The following SPTB variants were observed in gnomAD, a reference collection of about 807,000 sequenced individuals.
SPTB encodes spectrin beta, erythrocytic.
Under a neutral mutation model 256.2 loss-of-function variants are expected in SPTB, and 45 were observed. That is an observed-to-expected ratio of 0.18 (90% CI 0.14 to 0.23). The LOEUF (loss-of-function observed/expected upper bound fraction) is 0.23, where lower values mean the gene tolerates loss of function less well. Among genes scored for constraint, SPTB ranks in the 10% least tolerant of loss-of-function variants. SPTB has a pLI of 1.00. For synonymous variants in SPTB, 1,231 were observed against 1,243.1 expected (o/e 0.99, Z 0.21); for missense variants, 2,715 against 3,040.4 (o/e 0.89, Z 2.52).
rs1291523614 is a variant in SPTB, at chr14:64,796,050, C to T, written c.1342-411G>A. On this transcript the variant is annotated intron_variant, in intron 11 of 35. Coordinates refer to ENST00000644917, the MANE Select transcript of SPTB (RefSeq NM_001355436.2). This position sits in a 1 kb window ranked among gnomAD's most constrained non-coding sequence, Gnocchi z 4.1. Reference sequence around the variant, plus strand: ...ACATGCTATCTGGGGTGCGCATACACTCTCCAGTGCTCTCAGAATACTTGT... The same window carrying T: ...ACATGCTATCTGGGGTGCGCATACATTCTCCAGTGCTCTCAGAATACTTGT... Among the ~76,000 whole-genome samples, 1 of 152,184 alleles carries T rather than the reference C, an allele frequency of 6.6e-6. No homozygotes were observed. The highest frequency in any genetic ancestry group is 1.5e-5 in the Non-Finnish European group (1 of 68,038).
chr14:64,873,848 T>C lies in SPTB; in HGVS notation c.-52+5944A>G, dbSNP rs940335202. On this transcript the variant is annotated intron_variant, in intron 1 of 35. Coordinates refer to ENST00000644917, the MANE Select transcript of SPTB (RefSeq NM_001355436.2). This position sits in a 1 kb window ranked among gnomAD's most constrained non-coding sequence, Gnocchi z 4.3. ...TATAAATGTACATTTCTAATCCTGT[T>C]TTGTAACTGGAAACCAGGAATAATC... 6.6e-6 allele frequency among the ~76,000 whole-genome samples: 1 copy of C among 152,172 alleles called. No individual in the cohort carries two copies. The highest frequency in any genetic ancestry group is 2.4e-5 in the African/African-American group (1 of 41,440).
chr14:64,751,594 C>T (rs1485595969), intron 33 of SPTB, among the ~76,000 whole-genome samples: 3 of 152,048 alleles, frequency 2.0e-5, no homozygotes, highest in African/African-American at 7.2e-5. Flanking sequence ...CCTTGAAGTA[C>T]ACTTATAGAA....
At chr14:64,857,517 G>A (rs912376854) in intron 1 of SPTB, among the ~76,000 whole-genome samples, 2 of 145,800 alleles carry the variant, frequency 1.4e-5, no homozygotes, top group Admixed American at 7.0e-5. Context: ...AGTTGAGGCT[G>A]CAGTGAGCCA....
chr14:64,751,122 A>C (rs1010764572), intron 33 of SPTB, among the ~76,000 whole-genome samples: 1 of 146,750 alleles, frequency 6.8e-6, no homozygotes, highest in Non-Finnish European at 1.5e-5. Context: ...TATAATATTT[A>C]TATATAATAT....
At chr14:64,797,655 A>G in intron 10 of SPTB, 74 bp downstream of exon 10, 4 of 1,185,342 alleles carry the variant, frequency 3.4e-6, no homozygotes, top group Non-Finnish European at 5.1e-6. Flanking sequence ...ATCTGGTCCA[A>G]TGACCATTCA....
At chr14:64,829,932 G>C (rs2083427350) in intron 1 of SPTB, among the ~76,000 whole-genome samples, 1 of 152,006 alleles carries the variant, frequency 6.6e-6, no homozygotes. Context: ...CAGCTCAGGG[G>C]TCTTGTGCAT....
In SPTB at chr14:64,791,814, C is replaced by A. The variant is rs746868966; in HGVS notation, c.2709G>T (p.Gln903His). 20 of 1,614,216 alleles carry A rather than the reference C, an allele frequency of 1.2e-5. No homozygotes were observed. The highest frequency in any genetic ancestry group is 1.7e-5 in the Non-Finnish European group (20 of 1,180,048). ...LDQEMKTLMT[Q>H]IDGVNLAANS... is the part of the protein sequence containing the mutation. ...TGGCAGCGAGGTTCACACCATCAAT[C>A]TGAGTCATCAAGGTCTTCATCTCCT... is the stretch of plus-strand genomic sequence containing the variant. Residue 903 changes from glutamine to histidine, a missense_variant, in exon 15 of 36, where the codon CAG (glutamine) becomes CAT (histidine). Gln to His is a conservative substitution (Grantham distance 24). Transcript: ENST00000644917.
chr14:64,783,546 T>C (rs1037226667), intron 19 of SPTB, among the ~76,000 whole-genome samples: 1 of 152,208 alleles, frequency 6.6e-6, no homozygotes, highest in African/African-American at 2.4e-5. Context: ...CCAAGTACTA[T>C]GCTAAATGTT....
At chr14:64,858,966 T>C (rs1015512228) in intron 1 of SPTB, among the ~76,000 whole-genome samples, 2 of 152,148 alleles carry the variant, frequency 1.3e-5, no homozygotes, top group African/African-American at 2.4e-5. Flanking sequence ...CATTTTAAAA[T>C]TGGTTAAATA....
At position 64,767,989 on chromosome 14, in the gene SPTB, G is replaced by A. The variant is rs116420207; in HGVS notation, c.6023-130C>T. On this transcript the variant is annotated intron_variant, in intron 29 of 35. Transcript: ENST00000644917. Reference sequence around the variant, plus strand: ...AGGTGTCCCTAAACCACATGGATACGCTTGCTGCCTGCAGCCACCCCATTC... The same window carrying A: ...AGGTGTCCCTAAACCACATGGATACACTTGCTGCCTGCAGCCACCCCATTC... 3,320 of 992,594 alleles carry A rather than the reference G, an allele frequency of 3.3e-3. 86 individuals carry two copies. In the African/African-American group the frequency reaches 0.047, roughly 14 times the overall value. The allele number at this position is 992,594 out of a possible 1,614,324, so 61.5% of individuals were successfully genotyped here.
chr14:64,785,458 G>T lies in SPTB; in HGVS notation c.3855+79C>A. On this transcript the variant is annotated intron_variant, in intron 18 of 35. Coordinates refer to ENST00000644917, the MANE Select transcript of SPTB (RefSeq NM_001355436.2). This position sits in a 1 kb window ranked among gnomAD's most constrained non-coding sequence, Gnocchi z 4.4. ...AGCTCTTGAGCTAGAAAGGATCCCTGTGGACTTCCTGCCTTGAGGGAACTC... is the reference window on the plus strand; with the variant it reads ...AGCTCTTGAGCTAGAAAGGATCCCTTTGGACTTCCTGCCTTGAGGGAACTC... 7.6e-7 allele frequency: 1 copy of T among 1,318,698 alleles called. No homozygotes were observed. Among genetic ancestry groups the T allele is most frequent in the Non-Finnish European group, 1.1e-6 (1 of 935,042 alleles). 81.7% of individuals were successfully genotyped at this position (1,318,698 alleles called of 1,614,324 possible).
intron 1 of SPTB, among the ~76,000 whole-genome samples, chr14:64,854,274 C>CTTTTTTT (rs1206368948): frequency 3.1e-4 from 23 of 73,282 alleles, no homozygotes; most frequent in Non-Finnish European, 4.0e-4. Context: ...TTTCCAAACT[C>CTTTTTTT]TTTTTTTTTT....
intron 1 of SPTB, among the ~76,000 whole-genome samples, chr14:64,878,821 A>T (rs1416521981): frequency 6.7e-6 from 1 of 150,218 alleles, no homozygotes; most frequent in East Asian, 2.0e-4. Context: ...TTAGATGTAC[A>T]AAAAACAGTG....
At chr14:64,831,873 T>C (rs2083457527) in intron 1 of SPTB, among the ~76,000 whole-genome samples, 1 of 152,140 alleles carries the variant, frequency 6.6e-6, no homozygotes. Flanking sequence ...TATAACATCA[T>C]TTACATAATT....
At chr14:64,773,733 G>C (rs2082313392) in intron 24 of SPTB, among the ~76,000 whole-genome samples, 2 of 152,212 alleles carry the variant, frequency 1.3e-5, no homozygotes, top group South Asian at 4.1e-4. Context: ...CTTCCAGAGA[G>C]GCTGGGGGAG....
chr14:64,879,002 GT>G (rs1288343321), intron 1 of SPTB, among the ~76,000 whole-genome samples: 2 of 152,216 alleles, frequency 1.3e-5, no homozygotes, highest in Non-Finnish European at 2.9e-5. Flanking sequence ...GGATGAGTTG[GT>G]GGGAGTTGGG....
In SPTB at chr14:64,847,389, C is replaced by A. The variant is rs1033065222; in HGVS notation, c.-51-24244G>T. ...GTATCATGTCTCAGGCTAAGAGGAC[C>A]CCGATGTGGGCATCTAGGGGAGAAT... On this transcript the variant is annotated intron_variant, in intron 1 of 35. Coordinates refer to ENST00000644917, the MANE Select transcript of SPTB (RefSeq NM_001355436.2). This position sits in a 1 kb window ranked among gnomAD's most constrained non-coding sequence, Gnocchi z 5.9. Among the ~76,000 whole-genome samples the A allele has an allele frequency of 3.9e-5, 6 of 152,178 alleles. No homozygotes were observed. The highest frequency in any genetic ancestry group is 5.9e-5 in the Non-Finnish European group (4 of 68,024).
intron 1 of SPTB, among the ~76,000 whole-genome samples, chr14:64,858,256 T>C (rs947723802): frequency 6.6e-6 from 1 of 152,176 alleles, no homozygotes; most frequent in African/African-American, 2.4e-5. Context: ...AGGTAAGAGC[T>C]AGGTAACATG....
chr14:64,801,893 T>A (rs2082893349), intron 5 of SPTB, 59 bp from the exon 6 acceptor site: 3 of 1,518,476 alleles, frequency 2.0e-6, no homozygotes, highest in Non-Finnish European at 2.7e-6. Flanking sequence ...CCCAAACAAG[T>A]GTACAAATTG....
Sources: allele counts gnomAD v4.1 joint callset (sites outside exome capture counted in the v4.1 genomes callset), GRCh38; gene constraint gnomAD v4.1.1; non-coding constraint Gnocchi (gnomAD v3.1); transcripts MANE v1.5; gene names NCBI Gene and HGNC (gene_info 2026-07-23, HGNC 2026-07-21).